ERCC3: variants seen among roughly 807,000 people sequenced by gnomAD.
The protein encoded by ERCC3 is ERCC excision repair 3, TFIIH core complex helicase subunit.
Under a neutral mutation model 94.2 loss-of-function variants are expected in ERCC3, and 66 were observed. The ratio of observed to expected loss-of-function variants is 0.70; its 90% confidence interval spans 0.57 to 0.86. The LOEUF is 0.86. Among genes scored for constraint, ERCC3 ranks in the 40% least tolerant of loss-of-function variants. The pLI is 0.00. For synonymous variants in ERCC3, 349 were observed against 369.1 expected (o/e 0.95, Z 0.63); for missense variants, 829 against 987.1 (o/e 0.84, Z 2.15).
intron 1 of ERCC3, 79 bp from the exon 2 acceptor site, chr2:127,293,797 G>A (rs1685367155): frequency 1.9e-6 from 3 of 1,599,554 alleles, no homozygotes; most frequent in Non-Finnish European, 2.5e-6. Flanking sequence ...CATTTCACCT[G>A]CGCCGCCGCA....
rs763449035 is a variant in ERCC3, at chr2:127,280,665, TTTTC to T, written c.1343-38_1343-35del. Reference sequence around the variant, plus strand: ...ACAATGGGAGCATTCACACTGTCACTTTTCTTTCTTATTTTTTATTTATTTATTT... The same window carrying T: ...ACAATGGGAGCATTCACACTGTCACTTTTCTTATTTTTTATTTATTTATTT... On this transcript the variant is annotated intron_variant, in intron 8 of 14. Coordinates refer to ENST00000285398, the MANE Select transcript of ERCC3 (RefSeq NM_000122.2). This position sits in a 1 kb window ranked among gnomAD's most constrained non-coding sequence, Gnocchi z 6.3. The T allele has an allele frequency of 9.6e-6, 15 of 1,557,902 alleles. No individual in the cohort carries two copies. The highest frequency in any genetic ancestry group is 1.9e-4 in the Middle Eastern group (1 of 5,164).
intron 10 of ERCC3, among the ~76,000 whole-genome samples, chr2:127,278,601 A>G (rs1684807537): frequency 1.3e-5 from 2 of 152,192 alleles, no homozygotes; most frequent in African/African-American, 4.8e-5. Context: ...CACTTACAGC[A>G]CCTGAAGTCC....
At position 127,279,305 on chromosome 2, in the gene ERCC3, A is replaced by G; in HGVS notation, c.1598T>C (p.Leu533Pro). Reference sequence around the variant, plus strand: ...AAATTTGTTGGGGTTCATGGTGTACAGCAAGATTCGTTTCTTGGTTTTGAT... The same window carrying G: ...AAATTTGTTGGGGTTCATGGTGTACGGCAAGATTCGTTTCTTGGTTTTGAT... ...VAIKTKKRIL[L>P]YTMNPNKFRA... The change falls in exon 10 of 15, where the codon CTG (leucine) becomes CCG (proline). Residue 533 changes from leucine to proline, a missense_variant. Coordinates refer to ENST00000285398, the MANE Select transcript of ERCC3 (RefSeq NM_000122.2). The surrounding 1 kb of genome is among the most constrained non-coding windows in gnomAD (Gnocchi z 4.7). The G allele has an allele frequency of 6.2e-7, 1 of 1,614,182 alleles. No homozygotes were observed. The highest frequency in any genetic ancestry group is 8.5e-7 in the Non-Finnish European group (1 of 1,179,988).
intron 10 of ERCC3, 25 bp from the exon 11 acceptor site, chr2:127,272,986 G>A (rs1195172998): frequency 1.4e-6 from 2 of 1,406,536 alleles, no homozygotes; most frequent in Middle Eastern, 1.8e-4. Context: ...AGCTGTGTTA[G>A]ACCACAGAAT....
At chr2:127,261,205 C>A in intron 13 of ERCC3, 23 bp downstream of exon 13, 1 of 1,454,622 alleles carries the variant, frequency 6.9e-7, no homozygotes, top group Non-Finnish European at 9.7e-7. Flanking sequence ...CCTAGTCTAA[C>A]CAGAAGCCAA....
intron 8 of ERCC3, among the ~76,000 whole-genome samples, chr2:127,285,170 A>G (rs938896505): frequency 1.9e-4 from 29 of 152,248 alleles, no homozygotes; most frequent in African/African-American, 6.3e-4. Flanking sequence ...AATTTTCCAT[A>G]AAAAGCAAAT....
intron 3 of ERCC3, chr2:127,290,546 CCTCT>C (rs1685235155): frequency 6.0e-6 from 3 of 503,114 alleles, no homozygotes; most frequent in Non-Finnish European, 1.1e-5. Context: ...TTCTGCCTTT[CCTCT>C]CTATTCCCAC....
At chr2:127,266,461 G>A (rs1249276609) in intron 12 of ERCC3, among the ~76,000 whole-genome samples, 5 of 144,052 alleles carry the variant, frequency 3.5e-5, no homozygotes, top group African/African-American at 1.3e-4. Flanking sequence ...TCAGCCTCCC[G>A]AGTAGCTGAG....
chr2:127,265,947 C>T (rs72845944), intron 12 of ERCC3, among the ~76,000 whole-genome samples: 6,222 of 152,162 alleles, frequency 0.041, 175 homozygotes, highest in South Asian at 0.069. Flanking sequence ...CCTAACAATA[C>T]CTTTGCTGTA....
At chr2:127,261,380 G>A (rs1287611724) in intron 12 of ERCC3, 34 bp from the exon 13 acceptor site, 3 of 1,285,662 alleles carry the variant, frequency 2.3e-6, no homozygotes. Flanking sequence ...CAATAAAGAA[G>A]ACAACATTAG....
intron 8 of ERCC3, among the ~76,000 whole-genome samples, chr2:127,281,978 T>A (rs1684930553): frequency 6.6e-6 from 1 of 152,096 alleles, no homozygotes; most frequent in African/African-American, 2.4e-5. Flanking sequence ...AAGACAAGGA[T>A]AAGGCAGGTA....
In ERCC3 at chr2:127,271,455, T is replaced by C; in HGVS notation, c.1828-2A>G. The C allele has an allele frequency of 6.2e-7, 1 of 1,602,680 alleles. No homozygotes were observed. Among genetic ancestry groups the C allele is most frequent in the African/African-American group, 1.3e-5 (1 of 74,544 alleles). ...CAGATCAAACGAAGTGTCACCTACC[T>C]ACAGAAACAAGTTGGAAGGTTTTTA... On this transcript the variant is annotated splice_acceptor_variant, in intron 11 of 14. Transcript: ENST00000285398. LOFTEE classifies it high-confidence loss of function. The surrounding 1 kb of genome is among the most constrained non-coding windows in gnomAD (Gnocchi z 5.0).
In ERCC3 at chr2:127,274,717, C is replaced by G. The variant is rs1684679864; in HGVS notation, c.1731-1756G>C. Among the ~76,000 whole-genome samples, 1 of 152,194 alleles carries G rather than the reference C, an allele frequency of 6.6e-6. No individual in the cohort carries two copies. The highest frequency in any genetic ancestry group is 1.5e-5 in the Non-Finnish European group (1 of 68,036). ...TTAGAAGCCCCACTCGTCAGAACAG[C>G]CTGACTCTTGAGACCCAGGTTTTTA... On this transcript the variant is annotated intron_variant, in intron 10 of 14. Coordinates refer to ENST00000285398, the MANE Select transcript of ERCC3 (RefSeq NM_000122.2). The surrounding 1 kb of genome is among the most constrained non-coding windows in gnomAD (Gnocchi z 4.0).
chr2:127,275,451 G>A (rs890252465), intron 10 of ERCC3, among the ~76,000 whole-genome samples: 13 of 152,180 alleles, frequency 8.5e-5, no homozygotes, highest in African/African-American at 3.1e-4. Context: ...TAGTACACAG[G>A]AGACAGCCAC....
At position 127,284,639 on chromosome 2, in the gene ERCC3, T is replaced by C. The variant is rs1360965517; in HGVS notation, c.1342+2064A>G. 6.6e-6 allele frequency among the ~76,000 whole-genome samples: 1 copy of C among 152,178 alleles called. No homozygotes were observed. The highest frequency in any genetic ancestry group is 2.4e-5 in the African/African-American group (1 of 41,428). ...AATGCCTCAGATTTCATTTTGTTCA[T>C]AGTAACCTCTATTAGACTCCTTAAT... On this transcript the variant is annotated intron_variant, in intron 8 of 14. Transcript: ENST00000285398. This position sits in a 1 kb window ranked among gnomAD's most constrained non-coding sequence, Gnocchi z 4.1.
intron 2 of ERCC3, among the ~76,000 whole-genome samples, chr2:127,293,213 G>A (rs1392090336): frequency 6.6e-6 from 1 of 152,190 alleles, no homozygotes. Context: ...GAAACAAACT[G>A]TTACATGATA....
Position 127,259,973 on chromosome 2 carries a change from C to T in ERCC3, c.2065-525G>A, listed in dbSNP as rs141416011. 1 of 178,418 alleles carries T rather than the reference C, an allele frequency of 5.6e-6. No individual in the cohort carries two copies. Among genetic ancestry groups the T allele is most frequent in the East Asian group, 1.4e-4 (1 of 7,206 alleles). The allele number at this position is 178,418 out of a possible 1,614,324, so 11.1% of individuals were successfully genotyped here. A position where few individuals can be genotyped will look rare whatever the true frequency, so the allele number is the denominator to read the frequency against. On this transcript the variant is annotated intron_variant, in intron 13 of 14. Coordinates refer to ENST00000285398, the MANE Select transcript of ERCC3 (RefSeq NM_000122.2). This position sits in a 1 kb window ranked among gnomAD's most constrained non-coding sequence, Gnocchi z 4.9. ...GAGAGTAAGAACAGCATGGTGGAGA[C>T]TGGGTTTTCATTTCTATGGGGATAA... is the stretch of plus-strand genomic sequence containing the variant.
chr2:127,288,098 C>G (rs1363514388), intron 7 of ERCC3, among the ~76,000 whole-genome samples: 1 of 152,172 alleles, frequency 6.6e-6, no homozygotes, highest in Non-Finnish European at 1.5e-5. Context: ...GGTGAGTCTG[C>G]TGTGGTCTCT....
rs983300850 is a variant in ERCC3, at chr2:127,291,073, C to T, written c.472-800G>A. Among the ~76,000 whole-genome samples, 1 of 151,922 alleles carries T rather than the reference C, an allele frequency of 6.6e-6. No homozygotes were observed. Among genetic ancestry groups the T allele is most frequent in the Non-Finnish European group, 1.5e-5 (1 of 67,982 alleles). On this transcript the variant is annotated intron_variant, in intron 3 of 14. Coordinates refer to ENST00000285398, the MANE Select transcript of ERCC3 (RefSeq NM_000122.2). This position sits in a 1 kb window ranked among gnomAD's most constrained non-coding sequence, Gnocchi z 4.9. ...ATCCAGCCTGGGCGACAGAGCAAGA[C>T]TCCGTCTCAAAAAAAAAGAAAAAAA...
Sources: allele counts gnomAD v4.1 joint callset (sites outside exome capture counted in the v4.1 genomes callset), GRCh38; gene constraint gnomAD v4.1.1; non-coding constraint Gnocchi (gnomAD v3.1); transcripts MANE v1.5; gene names NCBI Gene and HGNC (gene_info 2026-07-23, HGNC 2026-07-21).